The following PTCD1 variants were observed in gnomAD, a reference collection of about 807,000 sequenced individuals.
PTCD1 encodes the protein pentatricopeptide repeat domain 1.
PTCD1 carries 50 observed loss-of-function variants against 53.4 expected under a neutral mutation model. The observed-to-expected ratio is 0.94, with a 90% CI of 0.75 to 1.19. The LOEUF is 1.19. PTCD1 is among the 50% of genes most tolerant of loss of function. PTCD1 has a pLI of 0.00. For synonymous variants in PTCD1, 413 were observed against 394.8 expected (o/e 1.05, Z -0.55); for missense variants, 918 against 904.8 (o/e 1.01, Z -0.19).
At position 99,417,872 on chromosome 7, in the gene PTCD1, A is replaced by G. The variant is rs1196346485; in HGVS notation, c.*2095T>C. ...TTAGGAAATGGTGGTGGGGAGCCCT[A>G]ATCCCAAGGTGGTGGCAGGGTGACA... On this transcript the variant is annotated 3_prime_UTR_variant, in exon 8 of 8. Coordinates refer to ENST00000292478, the MANE Select transcript of PTCD1 (RefSeq NM_015545.4). 7.2e-7 allele frequency: 1 copy of G among 1,381,488 alleles called. No individual in the cohort carries two copies. The highest frequency in any genetic ancestry group is 9.4e-7 in the Non-Finnish European group (1 of 1,062,410). 85.6% of individuals were successfully genotyped at this position (1,381,488 alleles called of 1,614,324 possible).
rs566639188 is a variant in PTCD1 at position 99,416,839 on chromosome 7, A to G, written c.*3128T>C. The G allele has an allele frequency of 6.9e-4, 108 of 157,498 alleles. No individual in the cohort carries two copies. Among genetic ancestry groups the G allele is most frequent in the South Asian group, 6.8e-3 (39 of 5,756 alleles). 9.8% of individuals were successfully genotyped at this position (157,498 alleles called of 1,614,324 possible). On this transcript the variant is annotated 3_prime_UTR_variant, in exon 8 of 8. Transcript: ENST00000292478. ...GGGCTCAAGGGATCCTCTCACCTCA[A>G]CCTCCTGAGTAGCTGTGACTACAGG...
chr7:99,435,254 C>A lies in PTCD1; in HGVS notation c.-12G>T. The A allele has an allele frequency of 6.2e-7, 1 of 1,600,978 alleles. No homozygotes were observed. Among genetic ancestry groups the A allele is most frequent in the South Asian group, 1.1e-5 (1 of 91,082 alleles). On this transcript the variant is annotated 5_prime_UTR_variant, in exon 2 of 8. The change creates a new upstream start codon in the 5' untranslated region. Transcript: ENST00000292478. ...CTCACGAAGTCCATTTCTGGCTTTC[C>A]TGTCCCTCCAGGGCCTGGAATATAT...
In PTCD1 at chr7:99,433,370, GCTC is replaced by G. The variant is rs753958332; in HGVS notation, c.499_501del (p.Glu167del). On this transcript the variant is annotated inframe_deletion, in exon 3 of 8. Transcript: ENST00000292478. ...TAGTTGCTCTCCATGGGCTGCAATC[GCTC>G]CTCCTTCAGCATCTGCCTCTCAAAC... 1 of 1,614,134 alleles carries G rather than the reference GCTC, an allele frequency of 6.2e-7. No individual in the cohort carries two copies. Among genetic ancestry groups the G allele is most frequent in the East Asian group, 2.2e-5 (1 of 44,880 alleles).
chr7:99,435,672 C>T (rs1181031156), intron 1 of PTCD1, among the ~76,000 whole-genome samples: 1 of 147,990 alleles, frequency 6.8e-6, no homozygotes, highest in Non-Finnish European at 1.5e-5. Context: ...AGAAAAAGAA[C>T]AGGCCAGGGG....
At chr7:99,431,833 C>T (rs1796264736) in intron 3 of PTCD1, among the ~76,000 whole-genome samples, 2 of 152,192 alleles carry the variant, frequency 1.3e-5, no homozygotes, top group South Asian at 4.1e-4. Context: ...CCATTTTGTT[C>T]TGTACTAAGA....
At position 99,419,658 on chromosome 7, in the gene PTCD1, G is replaced by A. The variant is rs60577432; in HGVS notation, c.*309C>T. On this transcript the variant is annotated 3_prime_UTR_variant, in exon 8 of 8. Transcript: ENST00000292478. ...TTCAGAGCATCGGCCTATGGAACCC[G>A]GCGGGGCGGCCCAGGCCCCAGGGAC... 48,001 of 728,550 alleles carry A rather than the reference G, an allele frequency of 0.066. 2,048 individuals are homozygous for A. Among genetic ancestry groups the A allele is most frequent in the African/African-American group, 0.17 (9,272 of 56,114 alleles). 45.1% of individuals were successfully genotyped at this position (728,550 alleles called of 1,614,324 possible). A position where few individuals can be genotyped will look rare whatever the true frequency, so the allele number is the denominator to read the frequency against.
rs774031819 is a variant in PTCD1, at chr7:99,429,631, G to A, written c.770C>T (p.Ala257Val). 7 of 1,614,250 alleles carry A rather than the reference G, an allele frequency of 4.3e-6. No homozygotes were observed. In the Admixed American group the frequency reaches 1.2e-4, roughly 27 times the overall value. Residue 257 changes from alanine (A) to valine (V), a missense_variant, in exon 4 of 8, where the codon GCT (alanine) becomes GTT (valine). Physicochemically the swap from Ala to Val is moderately conservative, Grantham distance 64. Coordinates refer to ENST00000292478, the MANE Select transcript of PTCD1 (RefSeq NM_015545.4). ...CATCCTAAGGTCTGCGCACTTGGCA[G>A]CCATCTTCAGCAGCGCGTGGTATGT... ...LKTYHALLKM[A>V]AKCADLRMCL...
chr7:99,422,710 G>C (rs1562838927), intron 7 of PTCD1, among the ~76,000 whole-genome samples: 1 of 152,186 alleles, frequency 6.6e-6, no homozygotes, highest in Admixed American at 6.5e-5. Context: ...GGGCTACCTG[G>C]GAGCCAGATA....
chr7:99,434,102 A>T (rs1179652968), intron 2 of PTCD1, among the ~76,000 whole-genome samples: 1 of 148,418 alleles, frequency 6.7e-6, no homozygotes, highest in Non-Finnish European at 1.5e-5. Context: ...GAAATGGGAT[A>T]ATTAAGAAAG....
rs1158388790 is a variant in PTCD1 at position 99,428,193 on chromosome 7, A to G, written c.915+910T>C. Among the ~76,000 whole-genome samples, 9 of 151,904 alleles carry G rather than the reference A, an allele frequency of 5.9e-5. No individual in the cohort carries two copies. The South Asian group carries it at 6.3e-4, about 11-fold the overall frequency. On this transcript the variant is annotated intron_variant, in intron 5 of 7. Transcript: ENST00000292478. Reference sequence around the variant, plus strand: ...AAGGCGCCGGATCACGAGGTAGGAGAGCGAGACCATCCAGGCTAACATGGT... The same window carrying G: ...AAGGCGCCGGATCACGAGGTAGGAGGGCGAGACCATCCAGGCTAACATGGT...
chr7:99,428,189 GGA>G (rs1796126827), intron 5 of PTCD1, among the ~76,000 whole-genome samples: 1 of 151,892 alleles, frequency 6.6e-6, no homozygotes, highest in Non-Finnish European at 1.5e-5. Context: ...TCACGAGGTA[GGA>G]GAGCGAGACC....
chr7:99,417,774 G>A lies in PTCD1; in HGVS notation c.*2193C>T. The A allele has an allele frequency of 6.5e-7, 1 of 1,531,552 alleles. No individual in the cohort carries two copies. The highest frequency in any genetic ancestry group is 8.7e-7 in the Non-Finnish European group (1 of 1,144,730). The allele number at this position is 1,531,552 out of a possible 1,614,324, so 94.9% of individuals were successfully genotyped here. On this transcript the variant is annotated 3_prime_UTR_variant, in exon 8 of 8. Coordinates refer to ENST00000292478, the MANE Select transcript of PTCD1 (RefSeq NM_015545.4). ...CAGGAATCCATGTGAGGCAGCGTGTGGCTGTGTGTTTGTTAGGTCTGGGGT... is the reference window on the plus strand; with the variant it reads ...CAGGAATCCATGTGAGGCAGCGTGTAGCTGTGTGTTTGTTAGGTCTGGGGT...
Position 99,433,624 on chromosome 7 carries a change from T to G in PTCD1, c.454-206A>C, listed in dbSNP as rs546113679. On this transcript the variant is annotated intron_variant, in intron 2 of 7. Coordinates refer to ENST00000292478, the MANE Select transcript of PTCD1 (RefSeq NM_015545.4). ...GGTGAAGCCTCAGTTCATTCCTTTA[T>G]TCCTTCATTATTTTCATCTGTTCAT... Among the ~76,000 whole-genome samples, 10 of 152,356 alleles carry G rather than the reference T, an allele frequency of 6.6e-5. No individual in the cohort carries two copies. The South Asian group carries it at 2.1e-3, about 32-fold the overall frequency.
rs538496381 is a variant in PTCD1 at position 99,425,544 on chromosome 7, G to T, written c.988C>A (p.Arg330=). ...DSYNLLLVAA[R]DCGLGDPQVA... The stretch of plus-strand genomic sequence containing the variant: ...TGGGGGTCCCCTAGGCCACAGTCCC[G>T]AGCTGCCACCAACAGCAGGTTGTAG... Residue 330 remains arginine (R), a synonymous_variant, in exon 6 of 8, where the codon CGG becomes AGG. Transcript: ENST00000292478. 1.9e-6 allele frequency: 3 copies of T among 1,612,598 alleles called. No homozygotes were observed. The African/African-American group carries it at 4.0e-5, about 22-fold the overall frequency.
chr7:99,428,269 G>A (rs1796129661), intron 5 of PTCD1, among the ~76,000 whole-genome samples: 2 of 151,946 alleles, frequency 1.3e-5, no homozygotes, highest in Admixed American at 1.3e-4. Context: ...TGGGCATGGT[G>A]GTGGGCGCCT....
Position 99,419,670 on chromosome 7 carries a change from C to T in PTCD1, c.*297G>A. The T allele has an allele frequency of 1.4e-6, 1 of 707,706 alleles. No individual in the cohort carries two copies. The allele number at this position is 707,706 out of a possible 1,614,324, so 43.8% of individuals were successfully genotyped here. Reference sequence around the variant, plus strand: ...GCCTATGGAACCCGGCGGGGCGGCCCAGGCCCCAGGGACCAGATGCCCCAG... The same window carrying T: ...GCCTATGGAACCCGGCGGGGCGGCCTAGGCCCCAGGGACCAGATGCCCCAG... On this transcript the variant is annotated 3_prime_UTR_variant, in exon 8 of 8. Coordinates refer to ENST00000292478, the MANE Select transcript of PTCD1 (RefSeq NM_015545.4).
Position 99,433,379 on chromosome 7 carries a change from T to C in PTCD1, c.493A>G (p.Lys165Glu). The change falls in exon 3 of 8, where the codon AAG becomes GAG. Residue 165 changes from lysine (K) to glutamate (E), a missense_variant. Lys to Glu is a moderately conservative substitution (Grantham distance 56, BLOSUM62 1). Transcript: ENST00000292478. ...ALDLFERQML[K>E]EERLQPMESN... is the part of the protein sequence containing the mutation. ...TCCATGGGCTGCAATCGCTCCTCCT[T>C]CAGCATCTGCCTCTCAAACAGGTCC... The C allele has an allele frequency of 1.2e-6, 2 of 1,614,130 alleles. No individual in the cohort carries two copies. The highest frequency in any genetic ancestry group is 1.1e-5 in the South Asian group (1 of 91,080).
intron 1 of PTCD1, among the ~76,000 whole-genome samples, chr7:99,436,437 G>A (rs1357867688): frequency 2.0e-5 from 3 of 152,056 alleles, no homozygotes; most frequent in Admixed American, 6.6e-5. Flanking sequence ...CTGACGTGGT[G>A]AACCCTATCT....
chr7:99,419,738 C>G lies in PTCD1; in HGVS notation c.*229G>C, dbSNP rs936652175. On this transcript the variant is annotated 3_prime_UTR_variant, in exon 8 of 8. Transcript: ENST00000292478. ...AGGTGACACACAAAGGTAGCTGGAG[C>G]TGGAAGTCCCGTGAAGGTGACACGC... 2 of 731,954 alleles carry G rather than the reference C, an allele frequency of 2.7e-6. No individual in the cohort carries two copies. The highest frequency in any genetic ancestry group is 4.4e-6 in the Non-Finnish European group (2 of 455,696). 45.3% of individuals were successfully genotyped at this position (731,954 alleles called of 1,614,324 possible).
Sources: allele counts gnomAD v4.1 joint callset (sites outside exome capture counted in the v4.1 genomes callset), GRCh38; gene constraint gnomAD v4.1.1; transcripts MANE v1.5; gene names NCBI Gene and HGNC (gene_info 2026-07-23, HGNC 2026-07-21).